The following CWC15 variants were observed in gnomAD, a reference collection of about 807,000 sequenced individuals.
The protein encoded by CWC15 is spliceosome-associated protein CWC15 homolog.
A neutral mutation model predicts 28.4 loss-of-function variants in CWC15; 12 were observed. The observed-to-expected ratio is 0.42, with a 90% CI of 0.27 to 0.69. The LOEUF is 0.69. Ranked by LOEUF, CWC15 falls within the 30% of genes least tolerant of loss-of-function variation. The probability of loss-of-function intolerance (pLI) is 0.23; values close to 1 mark genes in which losing one functional copy is unlikely to be tolerated. For synonymous variants in CWC15, 92 were observed against 88.4 expected, an observed-to-expected ratio of 1.04 and a Z score of -0.23; for missense variants, 192 against 271.5, an observed-to-expected ratio of 0.71 and a Z score of 2.06.
intron 6 of CWC15, among the ~76,000 whole-genome samples, chr11:94,965,699 G>C (rs587663089): frequency 6.6e-6 from 1 of 152,226 alleles, no homozygotes; most frequent in Non-Finnish European, 1.5e-5. Context: ...TTGGGCGCGG[G>C]ATCTTTAATG....
intron 2 of CWC15, 38 bp from the exon 3 acceptor site, chr11:94,971,525 AAC>A (rs3831469): frequency 3.7e-3 from 2,837 of 770,796 alleles, no homozygotes; most frequent in East Asian, 0.01. Flanking sequence ...ATGTTACTTA[AAC>A]ACACACACAC....
At chr11:94,972,007 C>T in intron 2 of CWC15, 48 bp downstream of exon 2, 1 of 1,531,602 alleles carries the variant, frequency 6.5e-7, no homozygotes, top group South Asian at 1.2e-5. Context: ...TGCCATTTAA[C>T]AGATCTGGTC....
Position 94,965,699 on chromosome 11 carries a change from G to A in CWC15, c.560+596C>T, listed in dbSNP as rs587663089. On this transcript the variant is annotated intron_variant, in intron 6 of 6. Coordinates refer to ENST00000279839, the MANE Select transcript of CWC15 (RefSeq NM_016403.4). ...CTCCCAGTAAAAACCTTGGGCGCGG[G>A]ATCTTTAATGGGCTTCCCTGGGCAG... 1.4e-4 allele frequency among the ~76,000 whole-genome samples: 21 copies of A among 152,344 alleles called. No homozygotes were observed. In the East Asian group the frequency reaches 3.1e-3, roughly 22 times the overall value.
At chr11:94,967,520 A>C (rs1555095515) in intron 5 of CWC15, among the ~76,000 whole-genome samples, 1 of 152,220 alleles carries the variant, frequency 6.6e-6, no homozygotes, top group African/African-American at 2.4e-5. Flanking sequence ...GCCAAATATA[A>C]ATCCCATTTT....
At chr11:94,969,772 T>C (rs587760455) in intron 5 of CWC15, among the ~76,000 whole-genome samples, 38 of 152,348 alleles carry the variant, frequency 2.5e-4, no homozygotes, top group African/African-American at 8.9e-4. Flanking sequence ...CCTGTGAATA[T>C]TACTCAGTGC....
Position 94,963,343 on chromosome 11 carries a change from C to T in CWC15, c.*42G>A. ...AACTCATAAAAAAAGTCAGAATGAT[C>T]CTTTACGTTTTACAGTCTTTAATTA... is the stretch of plus-strand genomic sequence containing the variant. On this transcript the variant is annotated 3_prime_UTR_variant, in exon 7 of 7. Coordinates refer to ENST00000279839, the MANE Select transcript of CWC15 (RefSeq NM_016403.4). 6.8e-7 allele frequency: 1 copy of T among 1,460,178 alleles called. No homozygotes were observed. Among genetic ancestry groups the T allele is most frequent in the Non-Finnish European group, 9.1e-7 (1 of 1,094,876 alleles). The allele number at this position is 1,460,178 out of a possible 1,614,324, so 90.5% of individuals were successfully genotyped here.
chr11:94,972,266 C>T (rs1396887329), intron 1 of CWC15, 73 bp from the exon 2 acceptor site: 12 of 1,382,218 alleles, frequency 8.7e-6, no homozygotes, highest in African/African-American at 1.5e-5. Flanking sequence ...AATCAATATC[C>T]ATACTGGTAA....
rs914905826 is a variant in CWC15, at chr11:94,963,294, T to A, written c.*91A>T. The A allele has an allele frequency of 3.8e-6, 4 of 1,064,718 alleles. No homozygotes were observed. Among genetic ancestry groups the A allele is most frequent in the Non-Finnish European group, 5.1e-6 (4 of 784,156 alleles). 66.0% of individuals were successfully genotyped at this position (1,064,718 alleles called of 1,614,324 possible). A position where few individuals can be genotyped will look rare whatever the true frequency, so the allele number is the denominator to read the frequency against. On this transcript the variant is annotated 3_prime_UTR_variant, in exon 7 of 7. Transcript: ENST00000279839. ...AAAACTGGGGAAGCCCACACACAAT[T>A]TAGACAGGGGAAAAGAAAAAAAAAA...
chr11:94,971,433 C>T lies in CWC15; in HGVS notation c.186G>A (p.Glu62=). ...CAGCAGCTCTCTCTCTTTCTTCCAA[C>T]TCTCTCCTGAAGTCACGGTTACGAA... is the stretch of plus-strand genomic sequence containing the variant. ...EEVRNRDFRR[E]LEERERAAAR... The change falls in exon 3 of 7, where the codon GAG becomes GAA. Residue 62 remains glutamate, a synonymous_variant. Coordinates refer to ENST00000279839, the MANE Select transcript of CWC15 (RefSeq NM_016403.4). 1.9e-6 allele frequency: 3 copies of T among 1,613,056 alleles called. No homozygotes were observed. The highest frequency in any genetic ancestry group is 2.5e-6 in the Non-Finnish European group (3 of 1,179,486).
At chr11:94,968,005 T>C (rs1590958605) in intron 5 of CWC15, among the ~76,000 whole-genome samples, 1 of 152,254 alleles carries the variant, frequency 6.6e-6, no homozygotes, top group East Asian at 1.9e-4. Context: ...TACTGAATGA[T>C]TGCCACACAG....
chr11:94,966,545 CTTTTTT>C, intron 5 of CWC15, 132 bp from the exon 6 acceptor site: 1 of 237,396 alleles, frequency 4.2e-6, no homozygotes, highest in East Asian at 9.1e-5. Context: ...TCAAGGCAGG[CTTTTTT>C]TTTTTTTTTT....
At chr11:94,967,258 C>T (rs1296535548) in intron 5 of CWC15, among the ~76,000 whole-genome samples, 1 of 152,128 alleles carries the variant, frequency 6.6e-6, no homozygotes, top group Non-Finnish European at 1.5e-5. Context: ...GAACTCCTGA[C>T]CTCGTGATCC....
rs781791210 is a variant in CWC15, at chr11:94,971,441, T to C, written c.178A>G (p.Arg60Gly). 1 of 1,612,848 alleles carries C rather than the reference T, an allele frequency of 6.2e-7. No homozygotes were observed. The highest frequency in any genetic ancestry group is 1.1e-5 in the South Asian group (1 of 90,708). The change falls in exon 3 of 7, where the codon AGG becomes GGG. Residue 60 changes from arginine to glycine, a missense_variant. Physicochemically the swap from Arg to Gly is moderately radical, Grantham distance 125. Coordinates refer to ENST00000279839, the MANE Select transcript of CWC15 (RefSeq NM_016403.4). ...CTCTCTCTTTCTTCCAACTCTCTCC[T>C]GAAGTCACGGTTACGAACCTCTTCA... ...APEEVRNRDF[R>G]RELEERERAA...
intron 6 of CWC15, 138 bp downstream of exon 6, chr11:94,966,157 A>C: frequency 3.5e-6 from 2 of 568,688 alleles, no homozygotes; most frequent in Non-Finnish European, 3.0e-6. Context: ...GGACTTTTAG[A>C]AGCTTTTTAC....
chr11:94,973,478 C>T lies in CWC15; in HGVS notation c.-9+20G>A, dbSNP rs587629014. ...CCCATCGCGATAAGAAAGATAATCT[C>T]CTATCCTCTTGCCGCTCACACTGGC... On this transcript the variant is annotated intron_variant, in intron 1 of 6. Transcript: ENST00000279839. 1 of 152,626 alleles carries T rather than the reference C, an allele frequency of 6.6e-6. No homozygotes were observed. The highest frequency in any genetic ancestry group is 6.5e-5 in the Admixed American group (1 of 15,306). The allele number at this position is 152,626 out of a possible 1,614,324, so 9.5% of individuals were successfully genotyped here.
chr11:94,967,847 A>C (rs1857666994), intron 5 of CWC15, among the ~76,000 whole-genome samples: 1 of 152,222 alleles, frequency 6.6e-6, no homozygotes, highest in Non-Finnish European at 1.5e-5. Context: ...ATTTGTAACA[A>C]ATTATACCGA....
At chr11:94,971,587 G>T (rs1020270005) in intron 2 of CWC15, 100 bp from the exon 3 acceptor site, 3 of 696,444 alleles carry the variant, frequency 4.3e-6, no homozygotes, top group East Asian at 2.7e-5. Flanking sequence ...ATGAGACTTT[G>T]TCCTTCAAGC....
chr11:94,970,002 T>TCTC lies in CWC15; in HGVS notation c.427_428insGAG (p.Glu142_Glu143insGly). 6.4e-7 allele frequency: 1 copy of TCTC among 1,556,996 alleles called. No homozygotes were observed. Among genetic ancestry groups the TCTC allele is most frequent in the Non-Finnish European group, 8.7e-7 (1 of 1,150,562 alleles). ...CTTTGGTTTTACCTTCCTGGCCTGC[T>TCTC]CTTCAGCTCTTTCTTTTTTAATTTT... On this transcript the variant is annotated inframe_insertion, in exon 5 of 7. Coordinates refer to ENST00000279839, the MANE Select transcript of CWC15 (RefSeq NM_016403.4).
chr11:94,968,987 A>C (rs1857682705), intron 5 of CWC15, among the ~76,000 whole-genome samples: 1 of 152,212 alleles, frequency 6.6e-6, no homozygotes, highest in Admixed American at 6.5e-5. Flanking sequence ...ACATGTTCAA[A>C]ACAGAACTCA....
Sources: gnomAD v4.1 joint callset for allele counts (sites outside exome capture counted in the v4.1 genomes callset) on GRCh38, gnomAD v4.1.1 for gene constraint, MANE v1.5 for transcripts, NCBI Gene and HGNC (gene_info 2026-07-23, HGNC 2026-07-21) for gene names.